The following VOPP1 variants were observed in gnomAD, a reference collection of about 807,000 sequenced individuals.
VOPP1 encodes WW domain binding protein VOPP1.
A neutral mutation model predicts 23.5 loss-of-function variants in VOPP1; 8 were observed. The ratio of observed to expected loss-of-function variants is 0.34; its 90% CI spans 0.20 to 0.61. The LOEUF is 0.61. VOPP1 is among the 20% of genes least tolerant of loss of function. The probability of loss-of-function intolerance (pLI) is 0.78; values close to 1 mark genes in which losing one functional copy is unlikely to be tolerated. For missense variants in VOPP1, 174 were observed against 238.1 expected (o/e 0.73, Z 1.77); for synonymous variants, 83 against 97.3 (o/e 0.85, Z 0.86).
intron 2 of VOPP1, among the ~76,000 whole-genome samples, chr7:55,507,283 A>G (rs1206586259): frequency 6.6e-6 from 1 of 152,172 alleles, no homozygotes; most frequent in Non-Finnish European, 1.5e-5. Flanking sequence ...ATTTCAGTAC[A>G]CGGCAGGGCT....
At chr7:55,507,102 T>C (rs1335001928) in intron 2 of VOPP1, among the ~76,000 whole-genome samples, 1 of 152,166 alleles carries the variant, frequency 6.6e-6, no homozygotes, top group Admixed American at 6.5e-5. Flanking sequence ...AGCCCATACA[T>C]GTGGATAAAA....
intron 1 of VOPP1, chr7:55,552,946 G>C: frequency 1.4e-6 from 1 of 717,838 alleles, no homozygotes; most frequent in Non-Finnish European, 2.0e-6. Context: ...CAAATGCTAA[G>C]GCGCTGTAGG....
At chr7:55,487,826 CA>C (rs1459168592) in intron 4 of VOPP1, among the ~76,000 whole-genome samples, 1 of 152,236 alleles carries the variant, frequency 6.6e-6, no homozygotes, top group Non-Finnish European at 1.5e-5. Context: ...CATTCAATCA[CA>C]GGGGCACCAC....
At position 55,483,335 on chromosome 7, in the gene VOPP1, C is replaced by T. The variant is rs1194050250; in HGVS notation, c.328+8947G>A. On this transcript the variant is annotated intron_variant, in intron 4 of 4. Transcript: ENST00000285279. ...TGTCTTCAGGCTGTAATTTGACCAG[C>T]AGGTGCGAGGCAGTTGATAAGTGTC... 3.9e-5 allele frequency among the ~76,000 whole-genome samples: 6 copies of T among 152,274 alleles called. No homozygotes were observed. The East Asian group carries it at 1.2e-3, about 29-fold the overall frequency.
intron 1 of VOPP1, among the ~76,000 whole-genome samples, chr7:55,562,308 C>T (rs1053154247): frequency 3.3e-5 from 5 of 152,106 alleles, no homozygotes; most frequent in African/African-American, 4.8e-5. Context: ...GTGCTAATTC[C>T]CCGTTTACAG....
At chr7:55,563,185 G>C (rs1798046438) in intron 1 of VOPP1, among the ~76,000 whole-genome samples, 1 of 151,776 alleles carries the variant, frequency 6.6e-6, no homozygotes, top group Non-Finnish European at 1.5e-5. Context: ...AATTAATTTC[G>C]ATACAGATTT....
chr7:55,528,723 A>T (rs984643383), intron 1 of VOPP1, among the ~76,000 whole-genome samples: 2 of 152,050 alleles, frequency 1.3e-5, no homozygotes. Context: ...AAGAAAATAT[A>T]ACTGTTAACA....
chr7:55,435,648 C>T (rs1323688698), downstream of VOPP1, among the ~76,000 whole-genome samples: 1 of 152,210 alleles, frequency 6.6e-6, no homozygotes, highest in African/African-American at 2.4e-5. Context: ...AGAGGCAGGG[C>T]TCCTTTATGA....
At chr7:55,512,715 C>T (rs1795160167) in intron 2 of VOPP1, among the ~76,000 whole-genome samples, 1 of 152,238 alleles carries the variant, frequency 6.6e-6, no homozygotes, top group Non-Finnish European at 1.5e-5. Context: ...GCCCCCGCCC[C>T]CATTGCCCTC....
chr7:55,468,271 GA>G (rs747918983), downstream of VOPP1, among the ~76,000 whole-genome samples: 136 of 54,246 alleles, frequency 2.5e-3, no homozygotes, highest in East Asian at 8.7e-3. Context: ...CTTCGTCTCA[GA>G]AAAAAAAAAA....
rs762359683 is a variant in VOPP1, at chr7:55,525,352, G to A, written c.55-4222C>T. 2.6e-5 allele frequency among the ~76,000 whole-genome samples: 4 copies of A among 152,208 alleles called. No homozygotes were observed. In the Middle Eastern group the frequency reaches 0.01, roughly 388 times the overall value. On this transcript the variant is annotated intron_variant, in intron 1 of 4. Coordinates refer to ENST00000285279, the MANE Select transcript of VOPP1 (RefSeq NM_030796.5). Reference sequence around the variant, plus strand: ...AAGTACAAAAAAATTAGCCGGGCGTGGTGGTGGGCGCCTGTAGTCCCAGCT... The same window carrying A: ...AAGTACAAAAAAATTAGCCGGGCGTAGTGGTGGGCGCCTGTAGTCCCAGCT...
At chr7:55,494,977 G>A (rs536717747) in intron 3 of VOPP1, among the ~76,000 whole-genome samples, 1 of 151,996 alleles carries the variant, frequency 6.6e-6, no homozygotes, top group East Asian at 1.9e-4. Flanking sequence ...AGAGAGGAAG[G>A]TTTGTGCCTT....
At chr7:55,551,319 G>A (rs766373626) in intron 1 of VOPP1, among the ~76,000 whole-genome samples, 12 of 152,176 alleles carry the variant, frequency 7.9e-5, no homozygotes, top group African/African-American at 1.2e-4. Context: ...GCAATGTCCT[G>A]GAATGTTAGG....
At chr7:55,564,589 G>A (rs186050537) in intron 1 of VOPP1, among the ~76,000 whole-genome samples, 8 of 152,192 alleles carry the variant, frequency 5.3e-5, no homozygotes, top group African/African-American at 1.9e-4. Flanking sequence ...TGCTATGGAC[G>A]CTTATGACAA....
At chr7:55,530,647 C>T (rs889765735) in intron 1 of VOPP1, among the ~76,000 whole-genome samples, 8 of 152,252 alleles carry the variant, frequency 5.3e-5, no homozygotes, top group South Asian at 2.1e-4. Flanking sequence ...TAATCCACGA[C>T]CCACCCTTTG....
intron 4 of VOPP1, among the ~76,000 whole-genome samples, chr7:55,490,352 G>T (rs554800235): frequency 6.6e-6 from 1 of 152,088 alleles, no homozygotes; most frequent in Non-Finnish European, 1.5e-5. Context: ...GGTGGGGTGT[G>T]GGGCTGTGCA....
intron 3 of VOPP1, 38 bp downstream of exon 3, chr7:55,497,575 G>A: frequency 1.5e-6 from 2 of 1,331,936 alleles, no homozygotes; most frequent in Non-Finnish European, 2.1e-6. Context: ...GGGGGGCAGA[G>A]CTCTCGGGGT....
chr7:55,484,241 G>A (rs776430245), intron 4 of VOPP1, among the ~76,000 whole-genome samples: 12 of 152,160 alleles, frequency 7.9e-5, no homozygotes, highest in Non-Finnish European at 1.5e-4. Context: ...TTTAGAATGT[G>A]GACATGTTGC....
intron 4 of VOPP1, among the ~76,000 whole-genome samples, chr7:55,444,187 G>C (rs1257001149): frequency 6.6e-6 from 1 of 152,166 alleles, no homozygotes; most frequent in Admixed American, 6.5e-5. Context: ...TGATGGTTTG[G>C]AGGCTTGTCC....
Sources: gnomAD v4.1 joint callset for allele counts (sites outside exome capture counted in the v4.1 genomes callset) on GRCh38, gnomAD v4.1.1 for gene constraint, MANE v1.5 for transcripts, NCBI Gene and HGNC (gene_info 2026-07-23, HGNC 2026-07-21) for gene names.